Variants in PRRX1 observed in about 807,000 individuals in gnomAD.
PRRX1 encodes paired mesoderm homeobox protein 1.
PRRX1 carries 8 observed loss-of-function variants against 24.0 expected under a neutral mutation model. The observed-to-expected ratio is 0.33, with a 90% confidence interval of 0.20 to 0.60. The LOEUF is 0.60. Ranked by LOEUF, PRRX1 falls within the 20% of genes least tolerant of loss-of-function variation. The pLI, the probability that PRRX1 is intolerant of heterozygous loss-of-function variation, is 0.82. For synonymous variants in PRRX1, 160 were observed against 131.7 expected (o/e 1.22, Z -1.47); for missense variants, 281 against 322.4 (o/e 0.87, Z 0.98).
At chr1:170,710,234 A>G (rs1654702376) in intron 1 of PRRX1, among the ~76,000 whole-genome samples, 1 of 152,210 alleles carries the variant, frequency 6.6e-6, no homozygotes, top group Non-Finnish European at 1.5e-5. Flanking sequence ...AAAGAATATA[A>G]TTCAGTCATC....
intron 3 of PRRX1, among the ~76,000 whole-genome samples, chr1:170,734,876 T>C (rs1245736744): frequency 1.3e-5 from 2 of 152,152 alleles, no homozygotes; most frequent in African/African-American, 2.4e-5. Flanking sequence ...TATATTCTAT[T>C]TGTGGAGTAG....
Position 170,738,569 on chromosome 1 carries a change from A to G in PRRX1, c.*2383A>G, listed in dbSNP as rs1655698572. 3 of 228,818 alleles carry G rather than the reference A, an allele frequency of 1.3e-5. No homozygotes were observed. In the South Asian group the frequency reaches 5.5e-4, roughly 42 times the overall value. The allele number at this position is 228,818 out of a possible 1,614,324, so 14.2% of individuals were successfully genotyped here. A position where few individuals can be genotyped will look rare whatever the true frequency, so the allele number is the denominator to read the frequency against. On this transcript the variant is annotated 3_prime_UTR_variant, in exon 4 of 4. Transcript: ENST00000239461. The stretch of plus-strand genomic sequence containing the variant: ...AGTTTTGAAGGAACTGTACATCCCA[A>G]CAGACTGAAACATTCTAAGTGAAAT...
chr1:170,669,993 G>A (rs1046381700), intron 1 of PRRX1, among the ~76,000 whole-genome samples: 1 of 152,136 alleles, frequency 6.6e-6, no homozygotes, highest in Non-Finnish European at 1.5e-5. Flanking sequence ...GTAAAACGTG[G>A]GGGCTCGCAT....
At chr1:170,729,060 AG>A (rs1231928446) in intron 3 of PRRX1, 2 of 152,244 alleles carry the variant, frequency 1.3e-5, no homozygotes, top group African/African-American at 4.8e-5. Flanking sequence ...GTGCTTCCAA[AG>A]AAGAGACTAA....
intron 1 of PRRX1, among the ~76,000 whole-genome samples, chr1:170,681,836 A>G (rs538311279): frequency 6.6e-6 from 1 of 152,346 alleles, no homozygotes; most frequent in African/African-American, 2.4e-5. Context: ...TGCATCACCT[A>G]ATATTGAATT....
upstream of PRRX1, chr1:170,664,031 C>G (rs1249411709): frequency 5.1e-6 from 3 of 587,726 alleles, no homozygotes; most frequent in Admixed American, 7.1e-5. Context: ...GGGGGTCCCC[C>G]ACCCTCTTTT....
At chr1:170,696,833 C>T (rs142086193) in intron 1 of PRRX1, among the ~76,000 whole-genome samples, 162 of 152,276 alleles carry the variant, frequency 1.1e-3, no homozygotes, top group African/African-American at 3.7e-3. Context: ...TGTATGAAAG[C>T]TTTAATTTAG....
intron 1 of PRRX1, among the ~76,000 whole-genome samples, chr1:170,697,008 T>C (rs1403586014): frequency 1.3e-5 from 2 of 152,204 alleles, no homozygotes; most frequent in African/African-American, 4.8e-5. Context: ...AGCCCTGTGA[T>C]AGTTTTCATG....
intron 1 of PRRX1, among the ~76,000 whole-genome samples, chr1:170,682,730 C>CTTA (rs1653596623): frequency 6.6e-6 from 1 of 152,040 alleles, no homozygotes; most frequent in South Asian, 2.1e-4. Context: ...TCTCCTGAAC[C>CTTA]TTATATTCTC....
At chr1:170,686,506 G>C (rs1007915423) in intron 1 of PRRX1, among the ~76,000 whole-genome samples, 5 of 152,152 alleles carry the variant, frequency 3.3e-5, no homozygotes, top group Admixed American at 1.3e-4. Context: ...AATGTGACCT[G>C]CCAAGGTCAG....
chr1:170,708,365 C>G (rs1237840187), intron 1 of PRRX1, among the ~76,000 whole-genome samples: 1 of 151,902 alleles, frequency 6.6e-6, no homozygotes, highest in Non-Finnish European at 1.5e-5. Flanking sequence ...GGCTTCCTTA[C>G]TAGTTAAAAC....
In PRRX1 at chr1:170,736,022, C is replaced by T. The variant is rs549178646; in HGVS notation, c.600-26C>T. ...TTGTGAAACTAATGCCTGTTATTCT[C>T]CCTGCTCTCTCCTTTGTCCCTACAG... On this transcript the variant is annotated intron_variant, in intron 3 of 3. Coordinates refer to ENST00000239461, the MANE Select transcript of PRRX1 (RefSeq NM_022716.4). The T allele has an allele frequency of 5.0e-6, 8 of 1,613,658 alleles. No homozygotes were observed. The East Asian group carries it at 1.8e-4, about 36-fold the overall frequency.
intron 1 of PRRX1, among the ~76,000 whole-genome samples, chr1:170,705,722 C>T (rs998861807): frequency 2.0e-5 from 3 of 152,138 alleles, no homozygotes; most frequent in Admixed American, 2.0e-4. Context: ...TAGTACTGTA[C>T]TAGGTAATGA....
chr1:170,701,923 G>A (rs1654371933), intron 1 of PRRX1, among the ~76,000 whole-genome samples: 1 of 151,384 alleles, frequency 6.6e-6, no homozygotes, highest in South Asian at 2.1e-4. Context: ...ATAGTCACCC[G>A]ATAGCACTAT....
At chr1:170,690,511 G>A (rs2101897626) in intron 1 of PRRX1, among the ~76,000 whole-genome samples, 1 of 152,156 alleles carries the variant, frequency 6.6e-6, no homozygotes, top group South Asian at 2.1e-4. Context: ...GAGAAAGTCA[G>A]TTGGATCTTA....
chr1:170,684,222 C>A (rs1653653581), intron 1 of PRRX1, among the ~76,000 whole-genome samples: 3 of 152,188 alleles, frequency 2.0e-5, no homozygotes, highest in African/African-American at 7.2e-5. Flanking sequence ...TTAATAGCAA[C>A]CTCAACTTCT....
intron 1 of PRRX1, among the ~76,000 whole-genome samples, chr1:170,675,512 G>GC: frequency 7.2e-5 from 11 of 152,036 alleles, no homozygotes; most frequent in African/African-American, 2.7e-4. Context: ...GGAGGAAAAT[G>GC]ATTTACTATA....
At position 170,677,254 on chromosome 1, in the gene PRRX1, A is replaced by T. The variant is rs557313628; in HGVS notation, c.241+12795A>T. Among the ~76,000 whole-genome samples, 44 of 152,338 alleles carry T rather than the reference A, an allele frequency of 2.9e-4. No homozygotes were observed. The South Asian group carries it at 8.5e-3, about 29-fold the overall frequency. ...GATTTTAGACAAATCTCTGTGTCTC[A>T]ATTTCCTCATCTATAAAACTGGCAC... On this transcript the variant is annotated intron_variant, in intron 1 of 3. Coordinates refer to ENST00000239461, the MANE Select transcript of PRRX1 (RefSeq NM_022716.4).
chr1:170,723,788 G>A (rs1039619882), intron 2 of PRRX1, among the ~76,000 whole-genome samples: 1 of 152,170 alleles, frequency 6.6e-6, no homozygotes, highest in African/African-American at 2.4e-5. Flanking sequence ...ATAGGGTATA[G>A]CTTATTGCTC....
Sources: gnomAD v4.1 joint callset for allele counts (sites outside exome capture counted in the v4.1 genomes callset) on GRCh38, gnomAD v4.1.1 for gene constraint, MANE v1.5 for transcripts, NCBI Gene and HGNC (gene_info 2026-07-23, HGNC 2026-07-21) for gene names.